ZNF117: variants seen among roughly 807,000 people sequenced by gnomAD.
ZNF117 encodes the protein Krueppel-related zinc finger protein.
A neutral mutation model predicts 41.2 loss-of-function variants in ZNF117; 37 were observed. The observed-to-expected ratio is 0.90, with a 90% CI of 0.69 to 1.18. ZNF117 has a LOEUF of 1.18. ZNF117 is among the 50% of genes most tolerant of loss of function. ZNF117 has a pLI of 0.00. For missense variants in ZNF117, 546 were observed against 557.5 expected (o/e 0.98, Z 0.21); for synonymous variants, 186 against 186.6 (o/e 1.00, Z 0.02).
chr7:64,972,289 A>G (rs978143039), downstream of ZNF117: 1 of 29,714 alleles, frequency 3.4e-5, no homozygotes, highest in Admixed American at 5.4e-4. Flanking sequence ...ACCACAATAC[A>G]GCAATTTTAC....
chr7:64,990,235 G>A (rs1028928659), exon 1 of ZNF117: 5 of 152,220 alleles, frequency 3.3e-5, no homozygotes, highest in South Asian at 4.1e-4. Context: ...AAACCACAGT[G>A]AGATACCATC....
exon 3 of ZNF117, chr7:64,978,337 T>C (rs746171984): frequency 2.5e-6 from 4 of 1,613,542 alleles, no homozygotes; most frequent in Non-Finnish European, 3.4e-6. Context: ...TTCTCTCCAG[T>C]ATGAATTTTC....
In ZNF117 at chr7:64,976,966, C is replaced by G. The variant is rs1372985100; in HGVS notation, c.*1153G>C. 5.6e-6 allele frequency: 3 copies of G among 534,454 alleles called. No individual in the cohort carries two copies. The East Asian group carries it at 1.6e-4, about 29-fold the overall frequency. The allele number at this position is 534,454 out of a possible 1,614,324, so 33.1% of individuals were successfully genotyped here. A position where few individuals can be genotyped will look rare whatever the true frequency, so the allele number is the denominator to read the frequency against. On this transcript the variant is annotated 3_prime_UTR_variant, in exon 3 of 3. Transcript: ENST00000620222. ...GATGATAGGTTAGCTTTGCCACATT[C>G]TTCACATTTGTAGGGTTTCTCTCCA... is the stretch of plus-strand genomic sequence containing the variant.
chr7:64,981,730 A>AT (rs532153051), intron 1 of ZNF117, among the ~76,000 whole-genome samples: 32 of 152,106 alleles, frequency 2.1e-4, no homozygotes, highest in Non-Finnish European at 2.9e-4. Flanking sequence ...GGGCAACAAT[A>AT]TTTTATGCCA....
chr7:64,990,368 G>T (rs1470238736), exon 1 of ZNF117: 1 of 177,034 alleles, frequency 5.6e-6, no homozygotes, highest in Non-Finnish European at 1.2e-5. Flanking sequence ...GGTGCAACAG[G>T]AAGGTTTTAT....
At position 64,982,117 on chromosome 7, in the gene ZNF117, C is replaced by T. The variant is rs1416856804; in HGVS notation, c.-196G>A. On this transcript the variant is annotated 5_prime_UTR_variant, in exon 1 of 3. Transcript: ENST00000620222. ...CCACATCCATAAATGTCAATGGTCC[C>T]TGAAAAACACAAAAACACACACATA... is the stretch of plus-strand genomic sequence containing the variant. 9 of 920,014 alleles carry T rather than the reference C, an allele frequency of 9.8e-6. No homozygotes were observed. The highest frequency in any genetic ancestry group is 1.5e-5 in the Non-Finnish European group (9 of 582,240). 57.0% of individuals were successfully genotyped at this position (920,014 alleles called of 1,614,324 possible). A position where few individuals can be genotyped will look rare whatever the true frequency, so the allele number is the denominator to read the frequency against.
upstream of ZNF117, among the ~76,000 whole-genome samples, chr7:64,985,992 C>T (rs1451676923): frequency 6.6e-6 from 1 of 150,768 alleles, no homozygotes; most frequent in Non-Finnish European, 1.5e-5. Flanking sequence ...AATATCCTCC[C>T]TTTTTTCATG....
In ZNF117 at chr7:64,981,964, A is replaced by G; in HGVS notation, c.-63+20T>C. Reference sequence around the variant, plus strand: ...AATTAAAACCTTTAGGGTATATTAGAAAATGTGTATTGAAGTTACCTTCAC... The same window carrying G: ...AATTAAAACCTTTAGGGTATATTAGGAAATGTGTATTGAAGTTACCTTCAC... On this transcript the variant is annotated intron_variant, in intron 1 of 2. Transcript: ENST00000620222. 1 of 565,632 alleles carries G rather than the reference A, an allele frequency of 1.8e-6. No homozygotes were observed. The highest frequency in any genetic ancestry group is 3.2e-6 in the Non-Finnish European group (1 of 314,992). 35.0% of individuals were successfully genotyped at this position (565,632 alleles called of 1,614,324 possible). A position where few individuals can be genotyped will look rare whatever the true frequency, so the allele number is the denominator to read the frequency against.
exon 3 of ZNF117, chr7:64,977,551 A>G (rs910342264): frequency 9.1e-6 from 5 of 551,390 alleles, no homozygotes; most frequent in South Asian, 7.4e-5. Flanking sequence ...GCTTTGCCAC[A>G]TTCTTCACAC....
At chr7:64,984,566 A>G (rs1479641673), upstream of ZNF117, among the ~76,000 whole-genome samples, 1 of 152,220 alleles carries the variant, frequency 6.6e-6, no homozygotes. Flanking sequence ...GATAGACACT[A>G]AAATCATGCT....
chr7:64,987,388 G>A (rs1305932615), intron 1 of ZNF117, among the ~76,000 whole-genome samples: 1 of 152,102 alleles, frequency 6.6e-6, no homozygotes, highest in Non-Finnish European at 1.5e-5. Context: ...AATAAAATGA[G>A]AGATGCAAGA....
intron 2 of ZNF117, 159 bp downstream of exon 3, chr7:64,981,228 C>A: frequency 1.1e-6 from 1 of 888,984 alleles, no homozygotes; most frequent in Non-Finnish European, 1.7e-6. Context: ...AAAAACAATA[C>A]AAAATATGTT....
At chr7:64,979,213 T>G (rs747726342) in exon 3 of ZNF117, 3 of 1,609,606 alleles carry the variant, frequency 1.9e-6, no homozygotes, top group East Asian at 2.2e-5. Context: ...TGTGAAAGCA[T>G]GCAAAATGTT....
chr7:64,981,271 C>G, intron 2 of ZNF117, 116 bp downstream of exon 3: 1 of 1,369,756 alleles, frequency 7.3e-7, no homozygotes, highest in Non-Finnish European at 1.0e-6. Context: ...AAAACTCGGG[C>G]TTTCCAGAAA....
chr7:64,985,967 A>AAG (rs1554299673), upstream of ZNF117, among the ~76,000 whole-genome samples: 37 of 149,006 alleles, frequency 2.5e-4, no homozygotes, highest in African/African-American at 7.3e-4. Flanking sequence ...AAAAAAAAAA[A>AAG]AAAGAAAGAA....
upstream of ZNF117, among the ~76,000 whole-genome samples, chr7:64,986,271 C>G (rs1786133288): frequency 6.6e-6 from 1 of 152,108 alleles, no homozygotes; most frequent in Non-Finnish European, 1.5e-5. Flanking sequence ...AGGCCTATGT[C>G]TTTCTCCCAA....
upstream of ZNF117, among the ~76,000 whole-genome samples, chr7:64,985,201 C>A (rs1179331085): frequency 6.6e-6 from 1 of 152,208 alleles, no homozygotes; most frequent in African/African-American, 2.4e-5. Flanking sequence ...TCTACAAACA[C>A]TACATATAAC....
intron 2 of ZNF117, 125 bp from the exon 4 acceptor site, chr7:64,979,661 C>T (rs948284232): frequency 3.3e-5 from 22 of 676,914 alleles, no homozygotes; most frequent in African/African-American, 1.7e-4. Flanking sequence ...ACCACAGGTT[C>T]TAATTCCTTC....
At chr7:64,984,478 G>A (rs954428149), upstream of ZNF117, among the ~76,000 whole-genome samples, 1 of 152,162 alleles carries the variant, frequency 6.6e-6, no homozygotes, top group African/African-American at 2.4e-5. Flanking sequence ...GTGAACTGTA[G>A]AGCTATTATG....
Sources: allele counts gnomAD v4.1 joint callset (sites outside exome capture counted in the v4.1 genomes callset), GRCh38; gene constraint gnomAD v4.1.1; transcripts MANE v1.5; gene names NCBI Gene and HGNC (gene_info 2026-07-23, HGNC 2026-07-21).